The following SLC22A25 variants were observed in gnomAD, a reference collection of about 807,000 sequenced individuals.
SLC22A25 encodes MGI:2442751, MGI:2385316, MGI:3042283, MGI:3645714, MGI:3605624, MGI:2442750.
A neutral mutation model predicts 45.9 loss-of-function variants in SLC22A25; 44 were observed. The ratio of observed to expected loss-of-function variants is 0.96; its 90% CI spans 0.75 to 1.23. The LOEUF is 1.23. SLC22A25 is among the 50% of genes most tolerant of loss of function. The probability of loss-of-function intolerance (pLI) is 0.00; values close to 1 mark genes in which losing one functional copy is unlikely to be tolerated. For synonymous variants in SLC22A25, 283 were observed against 238.6 expected (o/e 1.19, Z -1.72); for missense variants, 800 against 666.4 (o/e 1.20, Z -2.21).
intron 5 of SLC22A25, among the ~76,000 whole-genome samples, chr11:63,218,789 C>T (rs2089783571): frequency 6.6e-6 from 1 of 152,042 alleles, no homozygotes; most frequent in Non-Finnish European, 1.5e-5. Flanking sequence ...GGAAAGAGGA[C>T]CTCTCTGTAG....
At chr11:63,174,185 T>A (rs1028831623) in intron 9 of SLC22A25, among the ~76,000 whole-genome samples, 8 of 152,126 alleles carry the variant, frequency 5.3e-5, no homozygotes, top group Non-Finnish European at 4.4e-5. Context: ...TTGCTGAGAA[T>A]GAGATGGTTT....
chr11:63,178,061 A>AT (rs1157798779), intron 9 of SLC22A25, among the ~76,000 whole-genome samples: 2 of 3,462 alleles, frequency 5.8e-4, no homozygotes, highest in Non-Finnish European at 7.6e-3. Flanking sequence ...ATTTTTATTT[A>AT]TTTTTTTTTT....
chr11:63,228,488 C>T lies in SLC22A25; in HGVS notation c.479G>A (p.Gly160Asp). ...GTCTGACAAATGGCCATATAGGTTGCCTCCCACCATCATTCCAGCCATGAA... is the reference window on the plus strand; with the variant it reads ...GTCTGACAAATGGCCATATAGGTTGTCTCCCACCATCATTCCAGCCATGAA... ...FLFMAGMMVG[G>D]NLYGHLSDRF... The change falls in exon 5 of 12, where the codon GGC (glycine) becomes GAC (aspartate). Residue 160 changes from glycine to aspartate, a missense_variant. By Grantham distance (94) the Gly-to-Asp change is moderately conservative (BLOSUM62 -1). Coordinates refer to ENST00000306494, the MANE Select transcript of SLC22A25 (RefSeq NM_199352.6). 1 of 1,613,758 alleles carries T rather than the reference C, an allele frequency of 6.2e-7. No homozygotes were observed. Among genetic ancestry groups the T allele is most frequent in the South Asian group, 1.1e-5 (1 of 91,042 alleles).
chr11:63,215,997 C>A (rs1170818446), intron 7 of SLC22A25, among the ~76,000 whole-genome samples: 1 of 152,116 alleles, frequency 6.6e-6, no homozygotes. Context: ...ACCACATTTT[C>A]ATTAATCTGT....
In SLC22A25 at chr11:63,217,334, A is replaced by G; in HGVS notation, c.810T>C (p.Phe270=). 1 of 1,613,342 alleles carries G rather than the reference A, an allele frequency of 6.2e-7. No individual in the cohort carries two copies. The highest frequency in any genetic ancestry group is 8.5e-7 in the Non-Finnish European group (1 of 1,179,596). Reference sequence around the variant, plus strand: ...AATACCTTGAGAACAGAAAGAAGACAAAGCATGGTGCAGACATCACCAACT... The same window carrying G: ...AATACCTTGAGAACAGAAAGAAGACGAAGCATGGTGCAGACATCACCAACT... The part of the protein sequence containing the change: ...ILQLVMSAPC[F]VFFLFSRWLA... Residue 270 remains phenylalanine (F), a synonymous_variant, in exon 7 of 12, where the codon TTT becomes TTC. Transcript: ENST00000306494.
intron 10 of SLC22A25, among the ~76,000 whole-genome samples, chr11:63,165,236 A>G (rs571582307): frequency 2.0e-5 from 3 of 152,328 alleles, no homozygotes; most frequent in Admixed American, 1.3e-4. Context: ...ATTCTATCCA[A>G]TTAAAACAAA....
intron 11 of SLC22A25, among the ~76,000 whole-genome samples, chr11:63,164,316 G>A (rs2087605075): frequency 6.6e-6 from 1 of 152,152 alleles, no homozygotes; most frequent in Admixed American, 6.5e-5. Flanking sequence ...TGGTTCAGAA[G>A]GTACATGGGA....
At chr11:63,170,838 A>G (rs1354101776) in intron 9 of SLC22A25, among the ~76,000 whole-genome samples, 1 of 151,962 alleles carries the variant, frequency 6.6e-6, no homozygotes, top group East Asian at 1.9e-4. Flanking sequence ...TCCTGATACC[A>G]AAACCTGGCA....
intron 7 of SLC22A25, among the ~76,000 whole-genome samples, chr11:63,216,947 GTTCT>G (rs1371339413): frequency 1.3e-5 from 2 of 152,064 alleles, no homozygotes; most frequent in African/African-American, 4.8e-5. Context: ...AAAATTATTT[GTTCT>G]TTATCTGAAA....
At chr11:63,187,228 T>C (rs1489434636) in intron 7 of SLC22A25, among the ~76,000 whole-genome samples, 2 of 152,122 alleles carry the variant, frequency 1.3e-5, no homozygotes, top group African/African-American at 2.4e-5. Flanking sequence ...CATTGAGCAG[T>C]GGTTTGTAGT....
intron 7 of SLC22A25, among the ~76,000 whole-genome samples, chr11:63,199,376 A>C (rs951232496): frequency 1.3e-5 from 2 of 152,140 alleles, no homozygotes; most frequent in Non-Finnish European, 2.9e-5. Context: ...CCCCGAACAG[A>C]CCAATAACAA....
chr11:63,164,447 A>AT, intron 11 of SLC22A25, 79 bp downstream of exon 11: 2 of 1,249,272 alleles, frequency 1.6e-6, no homozygotes, highest in South Asian at 1.3e-5. Context: ...CTTGTCTTGG[A>AT]TTTTTTTCCC....
Position 63,183,749 on chromosome 11 carries a change from C to A in SLC22A25, c.899G>T (p.Arg300Ile). 6.2e-7 allele frequency: 1 copy of A among 1,612,924 alleles called. No individual in the cohort carries two copies. The highest frequency in any genetic ancestry group is 2.2e-5 in the East Asian group (1 of 44,846). ...NKPEEGLKEL[R>I]KAAHRNGMKN... ...CATTCCATTCCTGTGTGCAGCTTTT[C>A]TAAGTTCCTTTAAGCCCTCTTCTGG... The change falls in exon 8 of 12, where the codon AGA becomes ATA. Residue 300 changes from arginine to isoleucine, a missense_variant. Physicochemically the swap from Arg to Ile is moderately conservative, Grantham distance 97. Transcript: ENST00000306494.
chr11:63,213,314 T>G (rs1471040217), intron 7 of SLC22A25, among the ~76,000 whole-genome samples: 2 of 152,142 alleles, frequency 1.3e-5, no homozygotes, highest in Admixed American at 1.3e-4. Context: ...CCCCAGCACT[T>G]GGGTTGCCAG....
Position 63,164,092 on chromosome 11 carries a change from A to G in SLC22A25, c.1395-19T>C, listed in dbSNP as rs748479204. ...TCTTCCCCTTGGAGTAAAAACAGCA[A>G]CAGAGGAAAAGTTGTTAAAAATCAT... On this transcript the variant is annotated intron_variant, in intron 11 of 11. Coordinates refer to ENST00000306494, the MANE Select transcript of SLC22A25 (RefSeq NM_199352.6). 1 of 1,550,862 alleles carries G rather than the reference A, an allele frequency of 6.4e-7. No homozygotes were observed. The highest frequency in any genetic ancestry group is 1.4e-5 in the African/African-American group (1 of 72,532).
At chr11:63,211,404 C>T (rs897898304) in intron 7 of SLC22A25, among the ~76,000 whole-genome samples, 21 of 152,152 alleles carry the variant, frequency 1.4e-4, no homozygotes, top group Admixed American at 1.2e-3. Flanking sequence ...GTACCCAACC[C>T]TTACACAATG....
rs1302620396 is a variant in SLC22A25, at chr11:63,161,528, G to A, written c.*2296C>T. ...TCCAGTGGGAGGTAACTGAATCATG[G>A]GGGTGAGTGTTTCCCATGCTCTTCC... is the stretch of plus-strand genomic sequence containing the variant. On this transcript the variant is annotated 3_prime_UTR_variant, in exon 12 of 12. Coordinates refer to ENST00000306494, the MANE Select transcript of SLC22A25 (RefSeq NM_199352.6). 6.6e-6 allele frequency among the ~76,000 whole-genome samples: 1 copy of A among 152,104 alleles called. No homozygotes were observed. Among genetic ancestry groups the A allele is most frequent in the Non-Finnish European group, 1.5e-5 (1 of 68,006 alleles).
chr11:63,201,326 A>C (rs2089236588), intron 7 of SLC22A25, among the ~76,000 whole-genome samples: 1 of 152,220 alleles, frequency 6.6e-6, no homozygotes, highest in Admixed American at 6.5e-5. Context: ...CCAATGGAAC[A>C]GAACAGAGAA....
chr11:63,228,701 G>C (rs2090011427), intron 4 of SLC22A25, 137 bp from the exon 5 acceptor site: 1 of 627,828 alleles, frequency 1.6e-6, no homozygotes, highest in African/African-American at 1.9e-5. Flanking sequence ...GATATTCACT[G>C]TTCAGGTCTC....
Sources: gnomAD v4.1 joint callset for allele counts (sites outside exome capture counted in the v4.1 genomes callset) on GRCh38, gnomAD v4.1.1 for gene constraint, MANE v1.5 for transcripts, NCBI Gene and HGNC (gene_info 2026-07-23, HGNC 2026-07-21) for gene names.